MARK4: variants seen among roughly 807,000 people sequenced by gnomAD.
MARK4 encodes the protein microtubule affinity regulating kinase 4.
A neutral mutation model predicts 81.5 loss-of-function variants in MARK4; 19 were observed. That is an observed-to-expected ratio of 0.23 (90% CI 0.16 to 0.34). MARK4 has a LOEUF of 0.34. MARK4 is among the 10% of genes least tolerant of loss of function. The pLI, the probability that MARK4 is intolerant of heterozygous loss-of-function variation, is 1.00. For synonymous variants in MARK4, 436 were observed against 439.0 expected, an observed-to-expected ratio of 0.99 and a Z score of 0.08; for missense variants, 772 against 1,058.8, an observed-to-expected ratio of 0.73 and a Z score of 3.76.
rs1970656459 is a variant in MARK4, at chr19:45,280,414, A to G, written c.1047A>G (p.Lys349=). The change falls in exon 11 of 17, where the codon AAA becomes AAG. Residue 349 remains lysine, a synonymous_variant. Coordinates refer to ENST00000262891, the MANE Select transcript of MARK4 (RefSeq NM_001199867.2). ...VGMGYTREEI[K]ESLTSQKYNE... is the part of the protein sequence containing the mutation. ...TGGGCTACACACGGGAAGAAATCAA[A>G]GAGTCCTTGACCAGCCAGAAGTACA... is the stretch of plus-strand genomic sequence containing the variant. 2 of 1,614,222 alleles carry G rather than the reference A, an allele frequency of 1.2e-6. No homozygotes were observed. The highest frequency in any genetic ancestry group is 2.2e-5 in the East Asian group (1 of 44,892).
rs1971019374 is a variant in MARK4 at position 45,304,257 on chromosome 19, C to T, written c.*1547C>T. 6.6e-6 allele frequency: 1 copy of T among 152,140 alleles called. No homozygotes were observed. Among genetic ancestry groups the T allele is most frequent in the Non-Finnish European group, 1.5e-5 (1 of 68,044 alleles). The allele number at this position is 152,140 out of a possible 1,614,324, so 9.4% of individuals were successfully genotyped here. ...CTCCAGCTTTCTGCAGCAGAAAGAC[C>T]CTCATTGTCAGTTTCCCAGCAAAAG... is the stretch of plus-strand genomic sequence containing the variant. On this transcript the variant is annotated 3_prime_UTR_variant, in exon 17 of 17. Coordinates refer to ENST00000262891, the MANE Select transcript of MARK4 (RefSeq NM_001199867.2).
chr19:45,285,040 G>A (rs1049820824), intron 12 of MARK4, among the ~76,000 whole-genome samples: 2 of 152,108 alleles, frequency 1.3e-5, no homozygotes, highest in African/African-American at 2.4e-5. Flanking sequence ...GCAGTGAGCC[G>A]AGATTGTGCC....
chr19:45,287,739 A>C, intron 13 of MARK4, 75 bp downstream of exon 13: 145 of 1,486,438 alleles, frequency 9.8e-5, no homozygotes, highest in Non-Finnish European at 1.2e-4. Context: ...CCTTCATCTC[A>C]TTCCCCAGAC....
At chr19:45,277,823 TTGTGTGTGTGTGTGTGTGTG>T (rs58592372) in intron 8 of MARK4, 80 bp from the exon 9 acceptor site, 152 of 735,596 alleles carry the variant, frequency 2.1e-4, no homozygotes, top group African/African-American at 3.1e-4. Context: ...GGGACAAAGG[TTGTGTGTGTGTGTGTGTGTG>T]TGTGTGTGTG....
At position 45,278,430 on chromosome 19, in the gene MARK4, G is replaced by C. The variant is rs1227385872; in HGVS notation, c.907-86G>C. 3 of 1,200,104 alleles carry C rather than the reference G, an allele frequency of 2.5e-6. No homozygotes were observed. In the East Asian group the frequency reaches 7.0e-5, roughly 28 times the overall value. 74.3% of individuals were successfully genotyped at this position (1,200,104 alleles called of 1,614,324 possible). On this transcript the variant is annotated intron_variant, in intron 9 of 16. Coordinates refer to ENST00000262891, the MANE Select transcript of MARK4 (RefSeq NM_001199867.2). ...CCCGCAATTCTGGGTGTTAGGCCTC[G>C]GAGGTTTGGGGCAGGGCAGAAGCTG...
At chr19:45,291,129 T>C (rs2123097973) in intron 13 of MARK4, among the ~76,000 whole-genome samples, 1 of 151,208 alleles carries the variant, frequency 6.6e-6, no homozygotes, top group East Asian at 1.9e-4. Context: ...CTGAGGCCCG[T>C]GTGTCAGAGA....
rs1318121204 is a variant in MARK4 at position 45,258,851 on chromosome 19, G to A, written c.52-138G>A. The A allele has an allele frequency of 3.5e-6, 3 of 860,004 alleles. No individual in the cohort carries two copies. In the African/African-American group the frequency reaches 5.1e-5, roughly 15 times the overall value. 53.3% of individuals were successfully genotyped at this position (860,004 alleles called of 1,614,324 possible). A position where few individuals can be genotyped will look rare whatever the true frequency, so the allele number is the denominator to read the frequency against. On this transcript the variant is annotated intron_variant, in intron 1 of 16. Transcript: ENST00000262891. ...GCGTCTTTTTGTAGAGAAAGATGAA[G>A]GATGCTTGGCTCTCTGGGGCCTGAG...
chr19:45,284,741 T>G (rs1970720621), intron 12 of MARK4, among the ~76,000 whole-genome samples: 1 of 152,094 alleles, frequency 6.6e-6, no homozygotes, highest in Admixed American at 6.6e-5. Flanking sequence ...TCACTTGAGC[T>G]CTCAAGTTCG....
At chr19:45,279,496 G>A (rs1243983261) in intron 10 of MARK4, among the ~76,000 whole-genome samples, 2 of 152,160 alleles carry the variant, frequency 1.3e-5, no homozygotes, top group African/African-American at 2.4e-5. Context: ...CACCCTGGGC[G>A]ACAAGCAAAA....
chr19:45,280,746 C>T lies in MARK4; in HGVS notation c.1276+12C>T, dbSNP rs371992110. On this transcript the variant is annotated intron_variant, in intron 12 of 16. Coordinates refer to ENST00000262891, the MANE Select transcript of MARK4 (RefSeq NM_001199867.2). ...GCATAGCGATTTCTGTGAGTATCAACCCCACGCCCTCACGCACCCTCCTTC... is the reference window on the plus strand; with the variant it reads ...GCATAGCGATTTCTGTGAGTATCAATCCCACGCCCTCACGCACCCTCCTTC... The T allele has an allele frequency of 1.9e-6, 3 of 1,613,566 alleles. No individual in the cohort carries two copies. The highest frequency in any genetic ancestry group is 4.5e-5 in the East Asian group (2 of 44,866).
chr19:45,284,695 G>A (rs1219804273), intron 12 of MARK4, among the ~76,000 whole-genome samples: 2 of 152,148 alleles, frequency 1.3e-5, no homozygotes, highest in Non-Finnish European at 2.9e-5. Flanking sequence ...GCTTACGCCT[G>A]TAATCCCAGC....
chr19:45,282,824 C>T (rs1001057999), intron 12 of MARK4, among the ~76,000 whole-genome samples: 41 of 150,826 alleles, frequency 2.7e-4, no homozygotes, highest in African/African-American at 9.7e-4. Flanking sequence ...ACTCCGCCAC[C>T]CCGCCCCCTA....
At chr19:45,292,599 G>A (rs767016760) in intron 13 of MARK4, among the ~76,000 whole-genome samples, 3 of 152,046 alleles carry the variant, frequency 2.0e-5, no homozygotes, top group Non-Finnish European at 2.9e-5. Context: ...AGAAGGGACC[G>A]GAATTGGTGG....
At position 45,280,428 on chromosome 19, in the gene MARK4, G is replaced by A. The variant is rs758214414; in HGVS notation, c.1061G>A (p.Ser354Asn). The stretch of plus-strand genomic sequence containing the variant: ...GAAGAAATCAAAGAGTCCTTGACCA[G>A]CCAGAAGTACAACGAAGTGACCGCC... Reference protein sequence around the residue: ...TREEIKESLTSQKYNEVTATY... With the variant: ...TREEIKESLTNQKYNEVTATY... The change falls in exon 11 of 17, where the codon AGC becomes AAC. Residue 354 changes from serine (S) to asparagine (N), a missense_variant. By Grantham distance (46) the Ser-to-Asn change is conservative (BLOSUM62 1). Around this residue, in one of 3 missense-constraint regions of MARK4, gnomAD observed 548 missense variants for 624.3 expected, o/e 0.88. Coordinates refer to ENST00000262891, the MANE Select transcript of MARK4 (RefSeq NM_001199867.2). 1.9e-6 allele frequency: 3 copies of A among 1,614,078 alleles called. No homozygotes were observed. The highest frequency in any genetic ancestry group is 4.5e-5 in the East Asian group (2 of 44,900).
At chr19:45,263,201 G>A in intron 3 of MARK4, 35 bp downstream of exon 3, 1 of 1,612,796 alleles carries the variant, frequency 6.2e-7, no homozygotes, top group Non-Finnish European at 8.5e-7. Flanking sequence ...GCAGGAGCCA[G>A]GCTTCCGGCA....
chr19:45,278,445 G>A, intron 9 of MARK4, 71 bp from the exon 10 acceptor site: 1 of 1,372,594 alleles, frequency 7.3e-7, no homozygotes. Flanking sequence ...TTTGGGGCAG[G>A]GCAGAAGCTG....
chr19:45,277,040 C>T (rs1477925649), intron 8 of MARK4, among the ~76,000 whole-genome samples: 1 of 152,010 alleles, frequency 6.6e-6, no homozygotes, highest in Non-Finnish European at 1.5e-5. Context: ...GTGGCTGACT[C>T]ACTTACCTAC....
chr19:45,261,129 G>A (rs1195808006), intron 2 of MARK4, among the ~76,000 whole-genome samples: 1 of 152,122 alleles, frequency 6.6e-6, no homozygotes, highest in East Asian at 1.9e-4. Flanking sequence ...GGCCCCGATG[G>A]TCTTACAGGC....
At position 45,297,755 on chromosome 19, in the gene MARK4, G is replaced by A. The variant is rs772358301; in HGVS notation, c.1678G>A (p.Ala560Thr). 3.2e-6 allele frequency: 5 copies of A among 1,579,152 alleles called. No homozygotes were observed. Among genetic ancestry groups the A allele is most frequent in the African/African-American group, 2.7e-5 (2 of 73,974 alleles). ...CCCATCAGGGGAGCGGAGCCGCCTG[G>A]CACGTGGTTCCACCATCCGCAGCAC... is the stretch of plus-strand genomic sequence containing the variant. ...APPSGERSRLARGSTIRSTFH... is the reference protein window; with the variant it reads ...APPSGERSRLTRGSTIRSTFH... The change falls in exon 15 of 17, where the codon GCA becomes ACA. Residue 560 changes from alanine (A) to threonine (T), a missense_variant. Ala to Thr is a moderately conservative substitution (Grantham distance 58). Around this residue, in one of 3 missense-constraint regions of MARK4, gnomAD observed 548 missense variants for 624.3 expected, o/e 0.88. Transcript: ENST00000262891.
Sources: allele counts gnomAD v4.1 joint callset (sites outside exome capture counted in the v4.1 genomes callset), GRCh38; gene constraint gnomAD v4.1.1; regional missense constraint gnomAD v4.1.1; transcripts MANE v1.5; gene names NCBI Gene and HGNC (gene_info 2026-07-23, HGNC 2026-07-21).